The following PAX3 variants were observed in gnomAD, a reference collection of about 807,000 sequenced individuals.
PAX3 encodes paired box 3.
A neutral mutation model predicts 51.6 loss-of-function variants in PAX3; 14 were observed. The observed-to-expected ratio is 0.27, with a 90% CI of 0.18 to 0.42. The LOEUF (loss-of-function observed/expected upper bound fraction) is 0.42, where lower values mean the gene tolerates loss of function less well. PAX3 is among the 10% of genes least tolerant of loss of function. The pLI, the probability that PAX3 is intolerant of heterozygous loss-of-function variation, is 1.00. For synonymous variants in PAX3, 280 were observed against 253.4 expected (o/e 1.11, Z -1.00); for missense variants, 540 against 642.8 (o/e 0.84, Z 1.73).
intron 4 of PAX3, among the ~76,000 whole-genome samples, chr2:222,242,932 T>C (rs1438310052): frequency 6.6e-6 from 1 of 152,198 alleles, no homozygotes; most frequent in Non-Finnish European, 1.5e-5. Context: ...ATTTTTGCTG[T>C]TGTGTGCATA....
intron 4 of PAX3, among the ~76,000 whole-genome samples, chr2:222,245,258 G>T (rs565657620): frequency 6.6e-6 from 1 of 152,330 alleles, no homozygotes; most frequent in African/African-American, 2.4e-5. Flanking sequence ...CTTAACAAAA[G>T]TCAGGCAACC....
At chr2:222,203,436 C>T (rs918457493) in intron 7 of PAX3, among the ~76,000 whole-genome samples, 4 of 152,086 alleles carry the variant, frequency 2.6e-5, no homozygotes, top group Non-Finnish European at 5.9e-5. Context: ...AATTCCACAA[C>T]ATTTCCATAA....
intron 4 of PAX3, among the ~76,000 whole-genome samples, chr2:222,272,423 T>C (rs1694286628): frequency 6.6e-6 from 1 of 152,190 alleles, no homozygotes; most frequent in South Asian, 2.1e-4. Flanking sequence ...ATGGGTAACA[T>C]TTGTTATGAA....
intron 4 of PAX3, among the ~76,000 whole-genome samples, chr2:222,282,940 T>C (rs868413624): frequency 2.0e-5 from 3 of 152,234 alleles, no homozygotes; most frequent in African/African-American, 7.2e-5. Flanking sequence ...GGAGAAAACG[T>C]ATCATTTTTC....
chr2:222,281,819 G>A (rs1489722693), intron 4 of PAX3, among the ~76,000 whole-genome samples: 1 of 152,142 alleles, frequency 6.6e-6, no homozygotes, highest in Non-Finnish European at 1.5e-5. Context: ...CACTCTTAAT[G>A]CAGGCCTGTT....
At position 222,201,032 on chromosome 2, in the gene PAX3, A is replaced by ATT; in HGVS notation, c.*375_*376insAA. ...GCCCAAACCAGTCTGGGTAAATCTC[A>ATT]ATACACACACACACACACACACGCA... On this transcript the variant is annotated 3_prime_UTR_variant, in exon 9 of 9. Coordinates refer to ENST00000392070, the MANE Select transcript of PAX3 (RefSeq NM_181458.4). 1.2e-6 allele frequency: 1 copy of ATT among 859,364 alleles called. No individual in the cohort carries two copies. Among genetic ancestry groups the ATT allele is most frequent in the Non-Finnish European group, 1.9e-6 (1 of 539,086 alleles). The allele number at this position is 859,364 out of a possible 1,614,324, so 53.2% of individuals were successfully genotyped here.
At chr2:222,293,712 C>T (rs1559315728) in intron 4 of PAX3, 1 of 1,614,218 alleles carries the variant, frequency 6.2e-7, no homozygotes, top group Non-Finnish European at 8.5e-7. Flanking sequence ...AGTACTCTCT[C>T]TCTCTCTCCT....
intron 5 of PAX3, among the ~76,000 whole-genome samples, chr2:222,223,920 C>G (rs1323131363): frequency 1.3e-5 from 2 of 152,152 alleles, no homozygotes; most frequent in Non-Finnish European, 2.9e-5. Context: ...AGTGGTGAAG[C>G]CTGATCTCTC....
intron 5 of PAX3, among the ~76,000 whole-genome samples, chr2:222,225,654 GGTCTCTGT>G (rs1032153120): frequency 1.3e-5 from 2 of 151,988 alleles, no homozygotes; most frequent in African/African-American, 4.8e-5. Context: ...AATATCTGGG[GGTCTCTGT>G]TTTCCCATGT....
intron 4 of PAX3, among the ~76,000 whole-genome samples, chr2:222,286,742 A>G (rs4673015): frequency 0.73 from 111,416 of 152,064 alleles, 42,476 homozygotes; most frequent in East Asian, 0.99. Flanking sequence ...TCAAAGACAC[A>G]TGGCCACTTC....
intron 4 of PAX3, among the ~76,000 whole-genome samples, chr2:222,270,390 G>A (rs1041673601): frequency 6.6e-5 from 10 of 152,150 alleles, no homozygotes; most frequent in African/African-American, 2.2e-4. Context: ...CCTCAATGAC[G>A]TACAAGGGAG....
Position 222,201,213 on chromosome 2 carries a change from G to T in PAX3, c.*195C>A. ...CTTCCTCTTCTCCACTGCTTTTGTC[G>T]AACGTGTTCAAAAGGATTTGAAACC... On this transcript the variant is annotated 3_prime_UTR_variant, in exon 9 of 9. Transcript: ENST00000392070. The T allele has an allele frequency of 6.2e-7, 1 of 1,613,868 alleles. No homozygotes were observed. The highest frequency in any genetic ancestry group is 1.3e-5 in the African/African-American group (1 of 74,940).
intron 4 of PAX3, among the ~76,000 whole-genome samples, chr2:222,245,058 GA>G (rs1212082949): frequency 6.6e-6 from 1 of 152,150 alleles, no homozygotes; most frequent in Non-Finnish European, 1.5e-5. Flanking sequence ...TGAGGCACGA[GA>G]ATCACTTGAA....
At chr2:222,227,874 A>G (rs1692444496) in intron 5 of PAX3, among the ~76,000 whole-genome samples, 1 of 152,210 alleles carries the variant, frequency 6.6e-6, no homozygotes, top group South Asian at 2.1e-4. Context: ...ACACTGACAG[A>G]GGCTAAAGTT....
intron 4 of PAX3, among the ~76,000 whole-genome samples, chr2:222,240,600 G>A (rs1050350104): frequency 6.6e-6 from 1 of 152,150 alleles, no homozygotes; most frequent in African/African-American, 2.4e-5. Flanking sequence ...CCATGCTTGT[G>A]TCTTTTTCAA....
intron 4 of PAX3, among the ~76,000 whole-genome samples, chr2:222,238,095 A>G (rs1692867183): frequency 6.6e-6 from 1 of 152,196 alleles, no homozygotes; most frequent in African/African-American, 2.4e-5. Flanking sequence ...GAAAATGGAC[A>G]TTGTCAGTAA....
chr2:222,271,766 C>T (rs1259440779), intron 4 of PAX3, among the ~76,000 whole-genome samples: 1 of 151,966 alleles, frequency 6.6e-6, no homozygotes, highest in African/African-American at 2.4e-5. Flanking sequence ...ATTTATATTC[C>T]CAAGGGACAA....
intron 4 of PAX3, among the ~76,000 whole-genome samples, chr2:222,258,430 GA>G (rs150822610): frequency 0.11 from 17,292 of 151,666 alleles, 1,238 homozygotes; most frequent in East Asian, 0.33. Context: ...AGGGTAATTT[GA>G]AAAAAAATCT....
intron 5 of PAX3, 63 bp from the exon 6 acceptor site, chr2:222,221,450 T>A: frequency 6.9e-7 from 1 of 1,441,702 alleles, no homozygotes; most frequent in Non-Finnish European, 9.8e-7. Context: ...TCTTAATGAA[T>A]TTTTTATGCT....
Sources: gnomAD v4.1 joint callset for allele counts (sites outside exome capture counted in the v4.1 genomes callset) on GRCh38, gnomAD v4.1.1 for gene constraint, MANE v1.5 for transcripts, NCBI Gene and HGNC (gene_info 2026-07-23, HGNC 2026-07-21) for gene names.